The following CFAP161 variants were observed in gnomAD, a reference collection of about 807,000 sequenced individuals.
CFAP161 encodes the protein cilia and flagella associated protein 161.
In CFAP161, 25 loss-of-function variants were observed where a neutral mutation model predicts 29.0. That is an observed-to-expected ratio of 0.86 (90% CI 0.63 to 1.20). CFAP161 has a LOEUF of 1.20. CFAP161 is among the 50% of genes most tolerant of loss of function. The pLI, the probability that CFAP161 is intolerant of heterozygous loss-of-function variation, is 0.00. For missense variants in CFAP161, 367 were observed against 371.9 expected, an observed-to-expected ratio of 0.99 and a Z score of 0.11; for synonymous variants, 116 against 137.4, an observed-to-expected ratio of 0.84 and a Z score of 1.09.
At chr15:81,139,367 A>C (rs1051789319) in intron 4 of CFAP161, among the ~76,000 whole-genome samples, 1 of 152,178 alleles carries the variant, frequency 6.6e-6, no homozygotes, top group Non-Finnish European at 1.5e-5. Flanking sequence ...TTGACACCCC[A>C]CAGATGGTAA....
At chr15:81,114,537 TAAAC>T (rs1894473226) in intron 1 of CFAP161, among the ~76,000 whole-genome samples, 1 of 152,324 alleles carries the variant, frequency 6.6e-6, no homozygotes, top group Non-Finnish European at 1.5e-5. Flanking sequence ...CATGTCAATC[TAAAC>T]AAACAGAGAG....
intron 1 of CFAP161, among the ~76,000 whole-genome samples, chr15:81,102,868 T>C (rs184166135): frequency 6.6e-6 from 1 of 152,250 alleles, no homozygotes; most frequent in Admixed American, 6.5e-5. Flanking sequence ...TGGGTATTAA[T>C]TTGGAAGGGA....
chr15:81,125,108 A>C (rs2457380), intron 1 of CFAP161, among the ~76,000 whole-genome samples: 1 of 151,002 alleles, frequency 6.6e-6, no homozygotes, highest in Non-Finnish European at 1.5e-5. Flanking sequence ...AGAAAAGTAA[A>C]AAAGAAAAAA....
intron 4 of CFAP161, among the ~76,000 whole-genome samples, chr15:81,142,083 C>A (rs1441033182): frequency 1.3e-5 from 2 of 152,034 alleles, no homozygotes; most frequent in Admixed American, 1.3e-4. Context: ...CCTTCCCCAC[C>A]CACGTCCAGC....
chr15:81,105,163 T>TCCCCTCCC (rs1246992229), intron 1 of CFAP161, among the ~76,000 whole-genome samples: 1 of 33,156 alleles, frequency 3.0e-5, no homozygotes, highest in Non-Finnish European at 4.9e-5. Flanking sequence ...CTCCCTCCCT[T>TCCCCTCCC]CCTTCCTCCC....
chr15:81,126,608 C>G (rs542351009), intron 1 of CFAP161, among the ~76,000 whole-genome samples: 15 of 152,264 alleles, frequency 9.9e-5, no homozygotes, highest in East Asian at 7.7e-4. Context: ...AGATACCTTA[C>G]GTTATTGCTC....
Position 81,147,779 on chromosome 15 carries a change from G to A in CFAP161, c.637-79G>A, listed in dbSNP as rs538864277. On this transcript the variant is annotated intron_variant, in intron 5 of 6. Coordinates refer to ENST00000286732, the MANE Select transcript of CFAP161 (RefSeq NM_173528.4). ...ATGTATAGTATAATCCCAAATTTTTGCTTTTAGGTAAGCTTTTCCCTAAAA... is the reference window on the plus strand; with the variant it reads ...ATGTATAGTATAATCCCAAATTTTTACTTTTAGGTAAGCTTTTCCCTAAAA... 2.4e-5 allele frequency: 22 copies of A among 934,034 alleles called. 1 individual carries two copies. Among genetic ancestry groups the A allele is most frequent in the Middle Eastern group, 2.4e-4 (1 of 4,084 alleles). 57.9% of individuals were successfully genotyped at this position (934,034 alleles called of 1,614,324 possible).
At chr15:81,118,457 C>T (rs1942394926) in intron 1 of CFAP161, 1 of 184,510 alleles carries the variant, frequency 5.4e-6, no homozygotes, top group South Asian at 1.1e-4. Flanking sequence ...GGGCACGAAA[C>T]CCGGCTGCTT....
Position 81,134,297 on chromosome 15 carries a change from G to C in CFAP161, c.-33G>C, listed in dbSNP as rs75934759. The C allele has an allele frequency of 0.013, 19,711 of 1,567,944 alleles. 1,755 individuals are homozygous for C. The African/African-American group carries it at 0.21, about 17-fold the overall frequency. On this transcript the variant is annotated 5_prime_UTR_variant, in exon 1 of 7. Coordinates refer to ENST00000286732, the MANE Select transcript of CFAP161 (RefSeq NM_173528.4). ...CGCGCCACGCTAACGCATGGTGTCGGAGGGAGGCCCACTTGCTGAACAGCA... is the reference window on the plus strand; with the variant it reads ...CGCGCCACGCTAACGCATGGTGTCGCAGGGAGGCCCACTTGCTGAACAGCA...
chr15:81,111,434 C>T lies in CFAP161; in HGVS notation c.-141-16156C>T, dbSNP rs549074498. 6.6e-5 allele frequency among the ~76,000 whole-genome samples: 10 copies of T among 152,346 alleles called. No homozygotes were observed. The East Asian group carries it at 1.2e-3, about 18-fold the overall frequency. ...CGCTGCCACTGCTTAAGTCAGCACACGGCATCACCTCTCCTGGGGCTATCT... is the reference window on the plus strand; with the variant it reads ...CGCTGCCACTGCTTAAGTCAGCACATGGCATCACCTCTCCTGGGGCTATCT... On this transcript the variant is annotated intron_variant, in intron 1 of 4. Transcript: ENST00000560091.
intron 6 of CFAP161, 39 bp from the exon 7 acceptor site, chr15:81,148,299 A>G (rs1167700196): frequency 1.9e-6 from 3 of 1,549,800 alleles, no homozygotes; most frequent in Non-Finnish European, 2.7e-6. Context: ...GAGAGTTGTT[A>G]TTCAATTTCA....
intron 6 of CFAP161, 21 bp downstream of exon 6, chr15:81,147,952 A>T (rs373085106): frequency 1.1e-5 from 18 of 1,582,316 alleles, no homozygotes; most frequent in Admixed American, 1.7e-5. Context: ...TCAGGGTACA[A>T]CAAAATGCTG....
intron 1 of CFAP161, among the ~76,000 whole-genome samples, chr15:81,116,728 A>T (rs1894503541): frequency 6.6e-6 from 1 of 152,162 alleles, no homozygotes; most frequent in Non-Finnish European, 1.5e-5. Flanking sequence ...TGTGATTCAT[A>T]CACCGAGCAT....
intron 1 of CFAP161, among the ~76,000 whole-genome samples, chr15:81,108,755 C>T (rs572304238): frequency 6.6e-6 from 1 of 152,250 alleles, no homozygotes; most frequent in African/African-American, 2.4e-5. Flanking sequence ...AAAATATAAG[C>T]TTTATTTCTC....
In CFAP161 at chr15:81,147,947, G is replaced by T. The variant is rs778061574; in HGVS notation, c.710+16G>T. ...TTTTCTTAAGGTATTGTATTTCAGG[G>T]TACAACAAAATGCTGTGATTGGGGC... On this transcript the variant is annotated intron_variant, in intron 6 of 6. Coordinates refer to ENST00000286732, the MANE Select transcript of CFAP161 (RefSeq NM_173528.4). The T allele has an allele frequency of 4.4e-6, 7 of 1,592,226 alleles. No homozygotes were observed. The Admixed American group carries it at 1.2e-4, about 27-fold the overall frequency.
chr15:81,135,341 A>G lies in CFAP161; in HGVS notation c.141A>G (p.Lys47=), dbSNP rs767505698. ...KLLIQRSRRL[K]QNLLRPMQLS... is the part of the protein sequence containing the mutation. Reference sequence around the variant, plus strand: ...TCATACAGAGAAGTAGAAGACTAAAACAGAATCTCTTGAGACCGGTAACTT... The same window carrying G: ...TCATACAGAGAAGTAGAAGACTAAAGCAGAATCTCTTGAGACCGGTAACTT... Residue 47 remains lysine, a synonymous_variant, in exon 2 of 7, where the codon AAA becomes AAG. Transcript: ENST00000286732. 26 of 1,592,198 alleles carry G rather than the reference A, an allele frequency of 1.6e-5. No individual in the cohort carries two copies. Among genetic ancestry groups the G allele is most frequent in the Non-Finnish European group, 2.2e-5 (26 of 1,174,302 alleles).
chr15:81,113,559 CAT>C, intron 1 of CFAP161, among the ~76,000 whole-genome samples: 1 of 152,256 alleles, frequency 6.6e-6, no homozygotes, highest in South Asian at 2.1e-4. Context: ...TAGAATGACT[CAT>C]AGAGCCAGGA....
intron 1 of CFAP161, among the ~76,000 whole-genome samples, chr15:81,109,590 G>C (rs1369303105): frequency 2.6e-5 from 4 of 152,140 alleles, no homozygotes; most frequent in African/African-American, 7.2e-5. Flanking sequence ...TGTAGTCCCA[G>C]CTATTCAGGA....
At chr15:81,105,108 T>C (rs112896598) in intron 1 of CFAP161, among the ~76,000 whole-genome samples, 1,826 of 18,962 alleles carry the variant, frequency 0.096, 289 homozygotes, top group African/African-American at 0.18. Context: ...CTCCCTCCCT[T>C]CCTTTCTCCC....
Sources: gnomAD v4.1 joint callset for allele counts (sites outside exome capture counted in the v4.1 genomes callset) on GRCh38, gnomAD v4.1.1 for gene constraint, MANE v1.5 for transcripts, NCBI Gene and HGNC (gene_info 2026-07-23, HGNC 2026-07-21) for gene names.